Variants in PRKCB observed in about 807,000 individuals in gnomAD.
PRKCB encodes protein kinase C beta.
In PRKCB, 13 loss-of-function variants were observed where a neutral mutation model predicts 81.5. The ratio of observed to expected loss-of-function variants is 0.16; its 90% CI spans 0.10 to 0.25. PRKCB has a LOEUF of 0.25. Among genes scored for constraint, PRKCB ranks in the 10% least tolerant of loss-of-function variants. The pLI, the probability that PRKCB is intolerant of heterozygous loss-of-function variation, is 1.00. For missense variants in PRKCB, 509 were observed against 875.7 expected, an observed-to-expected ratio of 0.58 and a Z score of 5.29; for synonymous variants, 335 against 321.4, an observed-to-expected ratio of 1.04 and a Z score of -0.45.
At position 23,984,800 on chromosome 16, in the gene PRKCB, G is replaced by A. The variant is rs550912755; in HGVS notation, c.206-3708G>A. ...TAGAGGTGAAAAACTTTCCTGTGTGGTTGAAGTGTAGAGAGGGAGAGGGAG... is the reference window on the plus strand; with the variant it reads ...TAGAGGTGAAAAACTTTCCTGTGTGATTGAAGTGTAGAGAGGGAGAGGGAG... On this transcript the variant is annotated intron_variant, in intron 2 of 16. Coordinates refer to ENST00000643927, the MANE Select transcript of PRKCB (RefSeq NM_002738.7). Among the ~76,000 whole-genome samples, 38 of 152,298 alleles carry A rather than the reference G, an allele frequency of 2.5e-4. No homozygotes were observed. In the South Asian group the frequency reaches 6.8e-3, roughly 27 times the overall value.
intron 2 of PRKCB, among the ~76,000 whole-genome samples, chr16:23,937,691 C>G (rs1193457169): frequency 6.6e-6 from 1 of 152,198 alleles, no homozygotes; most frequent in Non-Finnish European, 1.5e-5. Context: ...CTTCCACTGT[C>G]CTATTCCTAG....
At chr16:23,956,464 C>T (rs1395306380) in intron 2 of PRKCB, among the ~76,000 whole-genome samples, 1 of 152,106 alleles carries the variant, frequency 6.6e-6, no homozygotes, top group Non-Finnish European at 1.5e-5. Flanking sequence ...AAAACATTAG[C>T]AATAGGCATT....
chr16:24,088,618 A>G (rs914304674), intron 5 of PRKCB, among the ~76,000 whole-genome samples: 1 of 151,088 alleles, frequency 6.6e-6, no homozygotes. Context: ...AGTCCCAGCT[A>G]TTCAGGGTGC....
At position 24,051,880 on chromosome 16, in the gene PRKCB, G is replaced by A. The variant is rs1006560072; in HGVS notation, c.529+16333G>A. ...AGCACTTTGGGAGGCTGAGGCAGGTGGCGAGTGAATCACCAGGTCAGGAAA... is the reference window on the plus strand; with the variant it reads ...AGCACTTTGGGAGGCTGAGGCAGGTAGCGAGTGAATCACCAGGTCAGGAAA... On this transcript the variant is annotated intron_variant, in intron 5 of 16. Coordinates refer to ENST00000643927, the MANE Select transcript of PRKCB (RefSeq NM_002738.7). Among the ~76,000 whole-genome samples, 41 of 152,194 alleles carry A rather than the reference G, an allele frequency of 2.7e-4. 1 individual carries two copies. Among genetic ancestry groups the A allele is most frequent in the Admixed American group, 2.6e-3 (39 of 15,294 alleles).
chr16:24,144,260 A>G (rs1265294193), intron 9 of PRKCB, among the ~76,000 whole-genome samples: 2 of 152,154 alleles, frequency 1.3e-5, no homozygotes, highest in African/African-American at 4.8e-5. Context: ...TAAAGTATAT[A>G]TGCATACATG....
intron 3 of PRKCB, among the ~76,000 whole-genome samples, chr16:23,990,059 T>C (rs866820072): frequency 2.6e-5 from 4 of 152,284 alleles, no homozygotes; most frequent in Middle Eastern, 3.4e-3. Context: ...ATCCTGAGCA[T>C]GGCAGAGTGG....
chr16:23,880,287 G>A (rs1049902720), intron 2 of PRKCB, among the ~76,000 whole-genome samples: 1 of 152,154 alleles, frequency 6.6e-6, no homozygotes, highest in South Asian at 2.1e-4. Flanking sequence ...CCCTAGAACA[G>A]TGGGGAAAAT....
chr16:24,007,008 C>A (rs1051091554), intron 3 of PRKCB, among the ~76,000 whole-genome samples: 2 of 152,180 alleles, frequency 1.3e-5, no homozygotes, highest in Non-Finnish European at 2.9e-5. Context: ...TTGGGTAATT[C>A]TGATGGATAG....
chr16:23,883,873 T>G (rs982292447), intron 2 of PRKCB, among the ~76,000 whole-genome samples: 7 of 152,218 alleles, frequency 4.6e-5, no homozygotes, highest in African/African-American at 1.4e-4. Context: ...GAGCTGTGTA[T>G]GTAATTTAAA....
intron 3 of PRKCB, among the ~76,000 whole-genome samples, chr16:24,025,447 G>A (rs1391928908): frequency 6.6e-6 from 1 of 152,208 alleles, no homozygotes; most frequent in Non-Finnish European, 1.5e-5. Flanking sequence ...ATGAATAAAT[G>A]TTCCATAAAT....
intron 10 of PRKCB, among the ~76,000 whole-genome samples, chr16:24,162,974 T>C (rs1967285277): frequency 6.6e-6 from 1 of 152,168 alleles, no homozygotes; most frequent in African/African-American, 2.4e-5. Flanking sequence ...GATTTCTAGG[T>C]TTCTTTGTCC....
intron 16 of PRKCB, among the ~76,000 whole-genome samples, chr16:24,204,847 C>G (rs1250682899): frequency 6.6e-6 from 1 of 152,080 alleles, no homozygotes; most frequent in African/African-American, 2.4e-5. Context: ...TATGGCCAGG[C>G]ACAGAGGCTC....
intron 2 of PRKCB, among the ~76,000 whole-genome samples, chr16:23,888,369 C>T: frequency 6.6e-6 from 1 of 152,210 alleles, no homozygotes; most frequent in East Asian, 1.9e-4. Flanking sequence ...AGTTGGCAGG[C>T]TGGCCCTCCT....
At chr16:23,836,551 G>C (rs898509697) in intron 1 of PRKCB, among the ~76,000 whole-genome samples, 6 of 152,088 alleles carry the variant, frequency 3.9e-5, no homozygotes, top group Admixed American at 6.5e-5. Flanking sequence ...GGTCCCAGAC[G>C]GGCCGCCGCG....
chr16:24,084,938 G>A (rs1469197943), intron 5 of PRKCB, among the ~76,000 whole-genome samples: 4 of 152,076 alleles, frequency 2.6e-5, no homozygotes, highest in African/African-American at 7.2e-5. Flanking sequence ...TTTCCCCTGG[G>A]GACACTGTCT....
chr16:23,841,615 G>A (rs562917054), intron 2 of PRKCB, among the ~76,000 whole-genome samples: 1 of 149,064 alleles, frequency 6.7e-6, no homozygotes, highest in East Asian at 2.0e-4. Flanking sequence ...AGTGTCCTGA[G>A]TAGCTGGGAC....
chr16:24,138,525 A>G (rs1043977728), intron 9 of PRKCB, among the ~76,000 whole-genome samples: 3 of 151,916 alleles, frequency 2.0e-5, no homozygotes, highest in Non-Finnish European at 4.4e-5. Flanking sequence ...TGACTAAGCC[A>G]TATATGTCAC....
chr16:23,875,140 G>A (rs536633731), intron 2 of PRKCB, among the ~76,000 whole-genome samples: 6 of 150,734 alleles, frequency 4.0e-5, no homozygotes, highest in Non-Finnish European at 7.4e-5. Context: ...GGGCTTAAGC[G>A]ATCCTCCTGC....
intron 2 of PRKCB, among the ~76,000 whole-genome samples, chr16:23,881,099 G>A (rs953796956): frequency 1.3e-5 from 2 of 152,070 alleles, no homozygotes; most frequent in Non-Finnish European, 2.9e-5. Context: ...TCAGCAGTGA[G>A]GTTAAAGGGA....
Sources: gnomAD v4.1 joint callset for allele counts (sites outside exome capture counted in the v4.1 genomes callset) on GRCh38, gnomAD v4.1.1 for gene constraint, MANE v1.5 for transcripts, NCBI Gene and HGNC (gene_info 2026-07-23, HGNC 2026-07-21) for gene names.